Variants in LTBP1 observed in about 807,000 individuals in gnomAD.
LTBP1 encodes latent transforming growth factor beta binding protein 1, also known as latent-transforming growth factor beta-binding protein 1.
In LTBP1, 129 loss-of-function variants were observed where a neutral mutation model predicts 207.6. The ratio of observed to expected loss-of-function variants is 0.62; its 90% CI spans 0.54 to 0.72. The LOEUF (loss-of-function observed/expected upper bound fraction) is 0.72, where lower values mean the gene tolerates loss of function less well. Ranked by LOEUF, LTBP1 falls within the 30% of genes least tolerant of loss-of-function variation. The pLI is 0.00. For synonymous variants in LTBP1, 963 were observed against 833.7 expected, an observed-to-expected ratio of 1.16 and a Z score of -2.67; for missense variants, 2,281 against 2,217.2, an observed-to-expected ratio of 1.03 and a Z score of -0.58.
intron 9 of LTBP1, among the ~76,000 whole-genome samples, chr2:33,239,578 G>A (rs183665526): frequency 7.6e-4 from 116 of 152,124 alleles, no homozygotes; most frequent in African/African-American, 2.7e-3. Flanking sequence ...GTTGAGGAAG[G>A]TTTGTTGACG....
intron 25 of LTBP1, among the ~76,000 whole-genome samples, chr2:33,346,658 C>T (rs2094705537): frequency 6.6e-6 from 1 of 150,590 alleles, no homozygotes; most frequent in Non-Finnish European, 1.5e-5. Context: ...GCACTCCAGC[C>T]TGGGTGACAG....
At chr2:33,128,088 CCT>C (rs1402559303) in intron 4 of LTBP1, among the ~76,000 whole-genome samples, 1 of 152,106 alleles carries the variant, frequency 6.6e-6, no homozygotes, top group Non-Finnish European at 1.5e-5. Context: ...GGAATGGCCC[CCT>C]GTTTAGCTTG....
chr2:32,947,272 C>G lies in LTBP1; in HGVS notation c.-53C>G, dbSNP rs1487948471. ...GCGCGGGGAAAGGCGAGCCGCACGG[C>G]CGGGGGAGGGGGCCGGACCGCGCGC... On this transcript the variant is annotated 5_prime_UTR_variant, in exon 1 of 34. Transcript: ENST00000404816. The G allele has an allele frequency of 8.5e-7, 1 of 1,181,600 alleles. No homozygotes were observed. The highest frequency in any genetic ancestry group is 1.1e-6 in the Non-Finnish European group (1 of 951,442). The allele number at this position is 1,181,600 out of a possible 1,614,324, so 73.2% of individuals were successfully genotyped here. A position where few individuals can be genotyped will look rare whatever the true frequency, so the allele number is the denominator to read the frequency against.
intron 20 of LTBP1, among the ~76,000 whole-genome samples, chr2:33,298,900 A>G (rs74548050): frequency 0.016 from 2,385 of 152,348 alleles, 72 homozygotes; most frequent in African/African-American, 0.055. Context: ...AGCAATTTCA[A>G]CTATTTCAGG....
intron 2 of LTBP1, among the ~76,000 whole-genome samples, chr2:33,018,218 A>G (rs1306318691): frequency 2.6e-5 from 4 of 151,350 alleles, no homozygotes; most frequent in Non-Finnish European, 5.9e-5. Context: ...AAAAATTTGA[A>G]GAGTTAAAAA....
At position 33,000,026 on chromosome 2, in the gene LTBP1, A is replaced by G; in HGVS notation, c.566-20883A>G. ...CTGGGCTCTACTCCAGAGAGCCAGT[A>G]TCAGTAGGGCTTGGGAAGGACCCAG... On this transcript the variant is annotated intron_variant, in intron 2 of 33. Transcript: ENST00000404816. Among the ~76,000 whole-genome samples the G allele has an allele frequency of 1.5e-5, 2 of 134,412 alleles. 1 individual carries two copies. The highest frequency in any genetic ancestry group is 3.3e-5 in the Non-Finnish European group (2 of 61,200). The allele number at this position is 134,412 out of a possible 152,430, so 88.2% of individuals were successfully genotyped here. A position where few individuals can be genotyped will look rare whatever the true frequency, so the allele number is the denominator to read the frequency against.
At chr2:33,079,876 T>A (rs767183881) in intron 3 of LTBP1, among the ~76,000 whole-genome samples, 4 of 152,220 alleles carry the variant, frequency 2.6e-5, no homozygotes, top group Non-Finnish European at 4.4e-5. Context: ...TTCTTCTTAA[T>A]CCATATGCTT....
chr2:33,366,239 G>A (rs936905103), intron 31 of LTBP1, among the ~76,000 whole-genome samples: 38 of 152,266 alleles, frequency 2.5e-4, no homozygotes, highest in African/African-American at 7.9e-4. Context: ...GAAAGCACTC[G>A]AAAGTGTCCA....
At chr2:32,993,860 G>T (rs537571386) in intron 2 of LTBP1, among the ~76,000 whole-genome samples, 2 of 152,320 alleles carry the variant, frequency 1.3e-5, no homozygotes, top group South Asian at 4.1e-4. Flanking sequence ...CAGAGCCTGT[G>T]GCTTGATGTT....
At chr2:33,243,554 T>C (rs2092408461) in intron 9 of LTBP1, 108 bp from the exon 10 acceptor site, 2 of 997,676 alleles carry the variant, frequency 2.0e-6, no homozygotes, top group East Asian at 2.6e-5. Context: ...CTTTTTTCAC[T>C]ATAACTAAAA....
At chr2:33,192,835 C>G (rs1419066386) in intron 7 of LTBP1, among the ~76,000 whole-genome samples, 1 of 152,042 alleles carries the variant, frequency 6.6e-6, no homozygotes, top group Non-Finnish European at 1.5e-5. Context: ...CTAAGTCACC[C>G]CATAGCAGAA....
At chr2:33,323,875 A>C (rs2094391047) in intron 24 of LTBP1, among the ~76,000 whole-genome samples, 1 of 152,086 alleles carries the variant, frequency 6.6e-6, no homozygotes, top group African/African-American at 2.4e-5. Flanking sequence ...CTGCATAACT[A>C]CTGGGTGTAG....
At chr2:33,149,511 A>G (rs1192783834) in intron 5 of LTBP1, among the ~76,000 whole-genome samples, 2 of 152,148 alleles carry the variant, frequency 1.3e-5, no homozygotes, top group African/African-American at 4.8e-5. Context: ...GAGCAAACCC[A>G]CAGCTTGCCT....
At chr2:33,165,176 T>A (rs1186153971) in intron 5 of LTBP1, among the ~76,000 whole-genome samples, 5 of 152,172 alleles carry the variant, frequency 3.3e-5, no homozygotes, top group Non-Finnish European at 5.9e-5. Flanking sequence ...CATATCAGAA[T>A]GTCCCTCCTG....
chr2:33,193,331 G>A (rs900926150), intron 7 of LTBP1, among the ~76,000 whole-genome samples: 16 of 152,030 alleles, frequency 1.1e-4, no homozygotes, highest in African/African-American at 2.4e-4. Context: ...TAGTAGAGAC[G>A]GGGTTTCACC....
chr2:33,307,870 T>C (rs969786961), intron 22 of LTBP1, among the ~76,000 whole-genome samples: 3 of 152,208 alleles, frequency 2.0e-5, no homozygotes, highest in African/African-American at 7.2e-5. Context: ...TATTTCTCTT[T>C]TGTTTGCCCT....
rs555205166 is a variant in LTBP1 at position 33,080,662 on chromosome 2, A to T, written c.864-29920A>T. ...CTTTACTGATTTGTTCATGTATTTA[A>T]TTTTTCCCATTTATTCCCTGAATAG... is the stretch of plus-strand genomic sequence containing the variant. On this transcript the variant is annotated intron_variant, in intron 3 of 33. Transcript: ENST00000404816. 6.1e-4 allele frequency among the ~76,000 whole-genome samples: 93 copies of T among 152,168 alleles called. No homozygotes were observed. In the Middle Eastern group the frequency reaches 0.01, roughly 17 times the overall value.
chr2:33,149,164 G>A (rs1276715050), intron 5 of LTBP1, among the ~76,000 whole-genome samples: 36 of 142,178 alleles, frequency 2.5e-4, no homozygotes, highest in Admixed American at 2.2e-3. Flanking sequence ...GCAGTGAGCC[G>A]AGATCGTGCC....
chr2:33,089,091 G>T lies in LTBP1; in HGVS notation c.864-21491G>T, dbSNP rs1473798054. Among the ~76,000 whole-genome samples the T allele has an allele frequency of 1.3e-4, 19 of 145,936 alleles. No homozygotes were observed. The Admixed American group carries it at 1.3e-3, about 10-fold the overall frequency. ...GAATCGCTTGAACCCGGGAGGTAAA[G>T]GTTGCAGTGAGCCAAGATCGCACCA... On this transcript the variant is annotated intron_variant, in intron 3 of 33. Transcript: ENST00000404816.
Sources: gnomAD v4.1 joint callset for allele counts (sites outside exome capture counted in the v4.1 genomes callset) on GRCh38, gnomAD v4.1.1 for gene constraint, MANE v1.5 for transcripts, NCBI Gene and HGNC (gene_info 2026-07-23, HGNC 2026-07-21) for gene names.